The following SUFU variants were observed in gnomAD, a reference collection of about 807,000 sequenced individuals.
The protein encoded by SUFU is suppressor of fused homolog.
Under a neutral mutation model 58.9 loss-of-function variants are expected in SUFU, and 7 were observed. That is an observed-to-expected ratio of 0.12 (90% CI 0.07 to 0.22). SUFU has a LOEUF of 0.22. SUFU is among the 10% of genes least tolerant of loss of function. The pLI is 1.00. For missense variants in SUFU, 451 were observed against 641.3 expected, an observed-to-expected ratio of 0.70 and a Z score of 3.20; for synonymous variants, 232 against 254.8, an observed-to-expected ratio of 0.91 and a Z score of 0.85.
At chr10:102,503,966 T>G, upstream of SUFU, 1 of 817,296 alleles carries the variant, frequency 1.2e-6, no homozygotes. Flanking sequence ...CGAGGCACCC[T>G]CTGGCAGACT....
chr10:102,511,674 G>A (rs2062402529), intron 2 of SUFU, among the ~76,000 whole-genome samples: 1 of 152,056 alleles, frequency 6.6e-6, no homozygotes, highest in Admixed American at 6.6e-5. Flanking sequence ...TAAAAGAGCT[G>A]GGATTGAATT....
intron 6 of SUFU, among the ~76,000 whole-genome samples, chr10:102,596,205 G>T (rs1564698347): frequency 6.6e-6 from 1 of 152,170 alleles, no homozygotes; most frequent in Non-Finnish European, 1.5e-5. Context: ...TCCCACATGG[G>T]GCTTCTGGGC....
intron 9 of SUFU, among the ~76,000 whole-genome samples, chr10:102,616,417 AC>A (rs762361465): frequency 7.9e-5 from 12 of 152,354 alleles, no homozygotes; most frequent in Admixed American, 1.3e-4. Flanking sequence ...TTGAAGGGTA[AC>A]TAGCCTTGGC....
chr10:102,550,750 T>TTC (rs967740280), intron 3 of SUFU, among the ~76,000 whole-genome samples: 8 of 151,410 alleles, frequency 5.3e-5, no homozygotes, highest in African/African-American at 1.7e-4. Flanking sequence ...GACTTTTTTT[T>TTC]TTTTTTTTGA....
intron 1 of SUFU, among the ~76,000 whole-genome samples, chr10:102,507,536 C>T (rs986667502): frequency 9.2e-5 from 14 of 152,224 alleles, no homozygotes; most frequent in Non-Finnish European, 2.1e-4. Flanking sequence ...GGAGAGTTGT[C>T]CCTCTTCCTC....
chr10:102,545,518 C>T (rs2062846553), intron 2 of SUFU, among the ~76,000 whole-genome samples: 1 of 152,068 alleles, frequency 6.6e-6, no homozygotes, highest in Non-Finnish European at 1.5e-5. Context: ...TAGGAACTGC[C>T]AAACTCTTTT....
At chr10:102,516,092 G>A (rs572717521) in intron 2 of SUFU, among the ~76,000 whole-genome samples, 5 of 150,790 alleles carry the variant, frequency 3.3e-5, no homozygotes, top group Admixed American at 6.6e-5. Context: ...TAAATGTTGA[G>A]GAGAATTTCT....
chr10:102,575,204 A>G (rs570022346), intron 3 of SUFU, among the ~76,000 whole-genome samples: 7 of 152,268 alleles, frequency 4.6e-5, no homozygotes, highest in Admixed American at 3.3e-4. Context: ...ACAGAGCAAG[A>G]CCTTGTCTCA....
At chr10:102,521,058 A>T (rs906203766) in intron 2 of SUFU, among the ~76,000 whole-genome samples, 10 of 152,188 alleles carry the variant, frequency 6.6e-5, no homozygotes, top group Non-Finnish European at 1.2e-4. Flanking sequence ...ACCATTTTCC[A>T]TAGTGGCTAT....
At chr10:102,613,970 T>A (rs2063654111) in intron 8 of SUFU, among the ~76,000 whole-genome samples, 1 of 152,232 alleles carries the variant, frequency 6.6e-6, no homozygotes, top group African/African-American at 2.4e-5. Context: ...GGCCCGGTTC[T>A]GCTTTCCAGC....
At chr10:102,515,441 AAGTAGC>A (rs1215501889) in intron 2 of SUFU, among the ~76,000 whole-genome samples, 1 of 150,152 alleles carries the variant, frequency 6.7e-6, no homozygotes, top group East Asian at 2.0e-4. Flanking sequence ...TCAGCCTCCC[AAGTAGC>A]TGGGACTACA....
At chr10:102,510,712 A>G (rs1242679245) in intron 2 of SUFU, among the ~76,000 whole-genome samples, 1 of 151,970 alleles carries the variant, frequency 6.6e-6, no homozygotes, top group African/African-American at 2.4e-5. Context: ...ACTCCCAACT[A>G]CCCCGGAGGC....
chr10:102,593,732 A>G lies in SUFU; in HGVS notation c.683+11A>G. ...GCGGACAGTGCCTATGTGAGTACCC[A>G]TGCAAGGTGGGAGCGCGGCTCCCTG... On this transcript the variant is annotated intron_variant, in intron 5 of 11. Transcript: ENST00000369902. 1 of 1,613,832 alleles carries G rather than the reference A, an allele frequency of 6.2e-7. No individual in the cohort carries two copies. Among genetic ancestry groups the G allele is most frequent in the South Asian group, 1.1e-5 (1 of 91,076 alleles).
chr10:102,595,408 T>C (rs2063450729), intron 6 of SUFU, among the ~76,000 whole-genome samples: 1 of 152,238 alleles, frequency 6.6e-6, no homozygotes, highest in Non-Finnish European at 1.5e-5. Flanking sequence ...TTGTATCTTC[T>C]GCATATGCAA....
chr10:102,601,075 G>T (rs551222437), intron 8 of SUFU, among the ~76,000 whole-genome samples: 43 of 152,342 alleles, frequency 2.8e-4, no homozygotes, highest in African/African-American at 9.6e-4. Context: ...TGGCAGGCCA[G>T]AGGTACTGGA....
chr10:102,543,778 A>G (rs1294172518), intron 2 of SUFU, among the ~76,000 whole-genome samples: 1 of 152,206 alleles, frequency 6.6e-6, no homozygotes, highest in Non-Finnish European at 1.5e-5. Context: ...TAAGTGATAT[A>G]ATGCTTATAG....
intron 6 of SUFU, 87 bp from the exon 7 acceptor site, chr10:102,597,053 T>A: frequency 1.3e-6 from 2 of 1,501,638 alleles, no homozygotes; most frequent in Admixed American, 3.3e-5. Flanking sequence ...GCTCAGTAAA[T>A]ACTGTAAGAG....
At position 102,536,363 on chromosome 10, in the gene SUFU, CTT is replaced by C. The variant is rs11290425; in HGVS notation, c.318-13589_318-13588del. ...AGTAGCCACTATAATAATTTTATTG[CTT>C]TTTTTTTTTTTTTTTTTGAGACAGA... On this transcript the variant is annotated intron_variant, in intron 2 of 11. Transcript: ENST00000369902. 3.9e-3 allele frequency among the ~76,000 whole-genome samples: 401 copies of C among 101,878 alleles called. 1 individual carries two copies. The highest frequency in any genetic ancestry group is 4.2e-3 in the Non-Finnish European group (221 of 52,388). 66.8% of individuals were successfully genotyped at this position (101,878 alleles called of 152,430 possible). A position where few individuals can be genotyped will look rare whatever the true frequency, so the allele number is the denominator to read the frequency against.
chr10:102,510,789 C>T (rs977723169), intron 2 of SUFU, among the ~76,000 whole-genome samples: 1 of 151,936 alleles, frequency 6.6e-6, no homozygotes, highest in Middle Eastern at 3.2e-3. Context: ...TGCCACTGTG[C>T]TCCAGCCTGG....
Sources: allele counts gnomAD v4.1 joint callset (sites outside exome capture counted in the v4.1 genomes callset), GRCh38; gene constraint gnomAD v4.1.1; transcripts MANE v1.5; gene names NCBI Gene and HGNC (gene_info 2026-07-23, HGNC 2026-07-21).